PTPRR: variants seen among roughly 807,000 people sequenced by gnomAD.
PTPRR encodes receptor-type tyrosine-protein phosphatase R.
Under a neutral mutation model 77.2 loss-of-function variants are expected in PTPRR, and 38 were observed. The ratio of observed to expected loss-of-function variants is 0.49; its 90% confidence interval spans 0.38 to 0.65. The LOEUF (loss-of-function observed/expected upper bound fraction) is 0.65, where lower values mean the gene tolerates loss of function less well. PTPRR is among the 30% of genes least tolerant of loss of function. PTPRR has a pLI of 0.00. For synonymous variants in PTPRR, 299 were observed against 283.1 expected (o/e 1.06, Z -0.57); for missense variants, 744 against 799.2 (o/e 0.93, Z 0.83).
chr12:70,885,906 A>G (rs1893233055), intron 2 of PTPRR, among the ~76,000 whole-genome samples: 1 of 152,160 alleles, frequency 6.6e-6, no homozygotes, highest in Admixed American at 6.5e-5. Context: ...GAAAATGCAT[A>G]ATTTTTGGAA....
intron 2 of PTPRR, among the ~76,000 whole-genome samples, chr12:70,830,736 G>C (rs1437274680): frequency 2.0e-5 from 3 of 152,180 alleles, no homozygotes; most frequent in Non-Finnish European, 4.4e-5. Context: ...ATATCTTTGG[G>C]CAGGGATATG....
chr12:70,701,104 G>T, intron 7 of PTPRR, 33 bp downstream of exon 7: 3 of 1,609,598 alleles, frequency 1.9e-6, no homozygotes, highest in East Asian at 2.2e-5. Flanking sequence ...TCAAAATACC[G>T]ACTGAAGAGT....
chr12:70,815,955 C>T (rs982704295), intron 2 of PTPRR, among the ~76,000 whole-genome samples: 11 of 152,060 alleles, frequency 7.2e-5, no homozygotes, highest in African/African-American at 2.7e-4. Flanking sequence ...TCCCTATTTC[C>T]TTGTCACATA....
chr12:70,680,147 TATTCTA>T lies in PTPRR; in HGVS notation c.1497+3974_1497+3979del, dbSNP rs1416409547. ...CAACTTAACTTTGGTCACATACAAA[TATTCTA>T]GACTTTCCCTTCCCCCATCCACAAT... On this transcript the variant is annotated intron_variant, in intron 10 of 13. Transcript: ENST00000283228. 1.3e-4 allele frequency among the ~76,000 whole-genome samples: 20 copies of T among 152,332 alleles called. No homozygotes were observed. The South Asian group carries it at 2.7e-3, about 21-fold the overall frequency.
At chr12:70,874,448 T>C (rs1204929173) in intron 2 of PTPRR, among the ~76,000 whole-genome samples, 1 of 152,150 alleles carries the variant, frequency 6.6e-6, no homozygotes, top group Non-Finnish European at 1.5e-5. Context: ...AAGGGCAAGT[T>C]ATTTTTGGTA....
At chr12:70,761,397 C>T in intron 4 of PTPRR, 74 bp downstream of exon 4, 1 of 1,322,372 alleles carries the variant, frequency 7.6e-7, no homozygotes, top group South Asian at 2.0e-5. Context: ...CATCTCAAAG[C>T]CTCTTGGGGT....
At chr12:70,792,946 G>A (rs1224116182) in intron 2 of PTPRR, among the ~76,000 whole-genome samples, 1 of 152,078 alleles carries the variant, frequency 6.6e-6, no homozygotes, top group Non-Finnish European at 1.5e-5. Context: ...CCAAATTTAT[G>A]GTGAAGTTTG....
intron 2 of PTPRR, among the ~76,000 whole-genome samples, chr12:70,796,736 A>T (rs1449852859): frequency 6.6e-6 from 1 of 152,200 alleles, no homozygotes; most frequent in Non-Finnish European, 1.5e-5. Flanking sequence ...TTTAAAAAAA[A>T]AATTTAACTA....
intron 1 of PTPRR, among the ~76,000 whole-genome samples, chr12:70,906,006 A>C (rs1893615955): frequency 6.6e-6 from 1 of 152,018 alleles, no homozygotes; most frequent in South Asian, 2.1e-4. Context: ...CATTTATTTG[A>C]TTTGTTAATG....
chr12:70,714,687 A>G (rs896193299), intron 6 of PTPRR, among the ~76,000 whole-genome samples: 4 of 152,190 alleles, frequency 2.6e-5, no homozygotes, highest in Admixed American at 6.5e-5. Context: ...CGAACATAAT[A>G]TAAGTTTCTC....
chr12:70,821,159 T>C (rs980170251), intron 2 of PTPRR, among the ~76,000 whole-genome samples: 1 of 148,794 alleles, frequency 6.7e-6, no homozygotes, highest in Non-Finnish European at 1.5e-5. Flanking sequence ...TTTCAAGAGA[T>C]ACATTTGTCA....
chr12:70,720,693 A>G (rs1889219560), intron 6 of PTPRR, among the ~76,000 whole-genome samples: 1 of 151,966 alleles, frequency 6.6e-6, no homozygotes, highest in African/African-American at 2.4e-5. Flanking sequence ...CATGTTGCCC[A>G]GGCTGGTCTT....
chr12:70,896,563 A>G (rs1216433150), intron 1 of PTPRR, among the ~76,000 whole-genome samples: 1 of 151,814 alleles, frequency 6.6e-6, no homozygotes, highest in Non-Finnish European at 1.5e-5. Context: ...AATCAGTAAC[A>G]GAAAGAAAAG....
chr12:70,853,470 C>T (rs1161737918), intron 2 of PTPRR, among the ~76,000 whole-genome samples: 1 of 152,194 alleles, frequency 6.6e-6, no homozygotes, highest in African/African-American at 2.4e-5. Context: ...GCTTAATGGA[C>T]ATTGCTTAAT....
chr12:70,741,832 G>A (rs1261753175), intron 6 of PTPRR, among the ~76,000 whole-genome samples: 1 of 152,278 alleles, frequency 6.6e-6, no homozygotes, highest in African/African-American at 2.4e-5. Flanking sequence ...ACCCTCAATA[G>A]GAGGACTGTG....
At chr12:70,900,113 T>A (rs1893505619) in intron 1 of PTPRR, among the ~76,000 whole-genome samples, 1 of 151,496 alleles carries the variant, frequency 6.6e-6, no homozygotes, top group Non-Finnish European at 1.5e-5. Flanking sequence ...CCAATTACAA[T>A]AAAATATCAT....
chr12:70,872,718 A>AAAAAAAAAAAAC, intron 2 of PTPRR, among the ~76,000 whole-genome samples: 1 of 146,806 alleles, frequency 6.8e-6, no homozygotes. Context: ...AAAAAAAAAA[A>AAAAAAAAAAAAC]AACAATCCAC....
In PTPRR at chr12:70,904,237, T is replaced by C. The variant is rs543905270; in HGVS notation, c.59-11260A>G. ...CTTACCCCAGAGAAATAAAAATGTA[T>C]ATTCCCACAAATGTCTGTAAACAAA... On this transcript the variant is annotated intron_variant, in intron 1 of 13. Coordinates refer to ENST00000283228, the MANE Select transcript of PTPRR (RefSeq NM_002849.4). 1.9e-4 allele frequency among the ~76,000 whole-genome samples: 29 copies of C among 151,964 alleles called. No individual in the cohort carries two copies. The South Asian group carries it at 5.8e-3, about 30-fold the overall frequency.
intron 2 of PTPRR, among the ~76,000 whole-genome samples, chr12:70,858,903 T>C (rs1354598732): frequency 6.6e-6 from 1 of 152,040 alleles, no homozygotes. Context: ...TTGTAGGCAT[T>C]TTGAACACAA....
Sources: gnomAD v4.1 joint callset for allele counts (sites outside exome capture counted in the v4.1 genomes callset) on GRCh38, gnomAD v4.1.1 for gene constraint, MANE v1.5 for transcripts, NCBI Gene and HGNC (gene_info 2026-07-23, HGNC 2026-07-21) for gene names.